Variants in RANBP2 observed in about 807,000 individuals in gnomAD.
RANBP2 encodes RAN binding protein 2.
Under a neutral mutation model 303.6 loss-of-function variants are expected in RANBP2, and 57 were observed. The observed-to-expected ratio is 0.19, with a 90% CI of 0.15 to 0.23. The LOEUF is 0.23. Among genes scored for constraint, RANBP2 ranks in the 10% least tolerant of loss-of-function variants. The pLI is 1.00. For synonymous variants in RANBP2, 1,167 were observed against 1,301.5 expected (o/e 0.90, Z 2.23); for missense variants, 3,138 against 3,780.8 (o/e 0.83, Z 4.46).
the RANBP2 span, among the ~76,000 whole-genome samples, chr2:109,242,179 C>T: frequency 6.6e-6 from 1 of 152,106 alleles, no homozygotes; most frequent in Non-Finnish European, 1.5e-5. Context: ...GTGTTGGTGT[C>T]CTAGCTTAGG....
the RANBP2 span, among the ~76,000 whole-genome samples, chr2:109,355,813 A>T: frequency 7.9e-5 from 12 of 152,242 alleles, no homozygotes; most frequent in East Asian, 2.3e-3. Flanking sequence ...TGTTTTGAGG[A>T]GGGGTATTTC....
chr2:108,754,020 C>T, intron 15 of RANBP2, 49 bp downstream of exon 15: 1 of 1,611,090 alleles, frequency 6.2e-7, no homozygotes, highest in Non-Finnish European at 8.5e-7. Flanking sequence ...ACCCACTGGT[C>T]AATGTTTTTG....
At chr2:109,547,964 C>T in the RANBP2 span, among the ~76,000 whole-genome samples, 3 of 152,128 alleles carry the variant, frequency 2.0e-5, no homozygotes, top group Non-Finnish European at 2.9e-5. Flanking sequence ...GTGGGAGCAA[C>T]GTCTCCCTGA....
the RANBP2 span, among the ~76,000 whole-genome samples, chr2:109,524,287 C>T: frequency 3.8e-3 from 582 of 152,160 alleles, 4 homozygotes; most frequent in African/African-American, 0.013. Flanking sequence ...ACTGTAAGGA[C>T]GGCTCAGTGG....
At chr2:109,336,586 A>C in the RANBP2 span, among the ~76,000 whole-genome samples, 1 of 152,256 alleles carries the variant, frequency 6.6e-6, no homozygotes, top group Non-Finnish European at 1.5e-5. Context: ...AGCCCTGGGC[A>C]GTGTTTCCAC....
chr2:109,256,535 G>C, the RANBP2 span, among the ~76,000 whole-genome samples: 6 of 152,174 alleles, frequency 3.9e-5, no homozygotes, highest in African/African-American at 9.7e-5. Flanking sequence ...TCCACTCCTG[G>C]AGCTTTGAGG....
chr2:109,770,004 C>T, the RANBP2 span, among the ~76,000 whole-genome samples: 1 of 115,404 alleles, frequency 8.7e-6, no homozygotes, highest in African/African-American at 3.6e-5. Flanking sequence ...TAAGAAAATA[C>T]AGTTTACTAT....
the RANBP2 span, among the ~76,000 whole-genome samples, chr2:109,548,396 G>C: frequency 6.6e-6 from 1 of 152,212 alleles, no homozygotes; most frequent in Non-Finnish European, 1.5e-5. Context: ...TCTAGAAAAA[G>C]ACGACATAGC....
the RANBP2 span, among the ~76,000 whole-genome samples, chr2:109,349,216 G>A: frequency 6.6e-6 from 1 of 152,170 alleles, no homozygotes. Flanking sequence ...CAGTGTTTTT[G>A]AGCAAAATTG....
chr2:109,167,385 T>C, the RANBP2 span, among the ~76,000 whole-genome samples: 1 of 152,184 alleles, frequency 6.6e-6, no homozygotes, highest in African/African-American at 2.4e-5. Context: ...CTGGACCATA[T>C]TTGATATAAA....
chr2:108,878,120 G>A, the RANBP2 span, among the ~76,000 whole-genome samples: 1 of 152,126 alleles, frequency 6.6e-6, no homozygotes, highest in African/African-American at 2.4e-5. Context: ...AAAGAAAACA[G>A]TTTATTAAAT....
At chr2:108,744,000 C>T (rs1196597451) in intron 7 of RANBP2, among the ~76,000 whole-genome samples, 4 of 152,168 alleles carry the variant, frequency 2.6e-5, no homozygotes, top group African/African-American at 7.2e-5. Context: ...AATTGGCTAA[C>T]TTTTATGGCA....
the RANBP2 span, among the ~76,000 whole-genome samples, chr2:109,684,156 G>A: frequency 3.7e-3 from 561 of 151,472 alleles, 5 homozygotes; most frequent in African/African-American, 0.013. Flanking sequence ...TGGCCAGGCT[G>A]GTTGCCAACT....
the RANBP2 span, chr2:108,897,071 T>C: frequency 9.3e-6 from 15 of 1,614,200 alleles, no homozygotes; most frequent in African/African-American, 8.0e-5. Flanking sequence ...AAGAGTTGCA[T>C]GCCGTCTGTC....
rs1677215377 is a variant in RANBP2, at chr2:108,767,742, A to G, written c.7203A>G (p.Val2401=). The part of the protein sequence containing the change: ...TLQNMKGTER[V]WLWTACDFAD... ...AAAATATGAAAGGGACAGAAAGAGTATGGTTGTGGACTGCATGTGATTTTG... is the reference window on the plus strand; with the variant it reads ...AAAATATGAAAGGGACAGAAAGAGTGTGGTTGTGGACTGCATGTGATTTTG... Residue 2401 remains valine (V), a synonymous_variant, in exon 20 of 29, where the codon GTA becomes GTG. Transcript: ENST00000283195. 1.2e-6 allele frequency: 2 copies of G among 1,612,066 alleles called. No individual in the cohort carries two copies. The highest frequency in any genetic ancestry group is 1.7e-6 in the Non-Finnish European group (2 of 1,179,876).
chr2:109,319,047 C>G, the RANBP2 span, among the ~76,000 whole-genome samples: 2,900 of 152,288 alleles, frequency 0.019, 99 homozygotes, highest in African/African-American at 0.066. Context: ...CTCCATCGAT[C>G]CTGGTGTTTG....
the RANBP2 span, among the ~76,000 whole-genome samples, chr2:109,576,104 AC>A: frequency 1.8e-3 from 268 of 152,146 alleles, 1 homozygote; most frequent in Admixed American, 1.8e-3. Flanking sequence ...CTACTAAAAA[AC>A]TTTAAAAATC....
At chr2:108,856,472 TTATCAAATA>T in the RANBP2 span, among the ~76,000 whole-genome samples, 1 of 152,208 alleles carries the variant, frequency 6.6e-6, no homozygotes, top group African/African-American at 2.4e-5. Context: ...CATGTAGTAG[TTATCAAATA>T]TGGAAAAATA....
rs1696257872 is a variant in RANBP2 at position 108,743,223 on chromosome 2, C to T, written c.975+2542C>T. On this transcript the variant is annotated intron_variant, in intron 7 of 28. Transcript: ENST00000283195. The stretch of plus-strand genomic sequence containing the variant: ...TAACGTTGAACTGGGCTCAAGCTTC[C>T]CAGAGTGCTGGGATTGTAGGTGTGA... Among the ~76,000 whole-genome samples, 5 of 152,258 alleles carry T rather than the reference C, an allele frequency of 3.3e-5. No individual in the cohort carries two copies. In the South Asian group the frequency reaches 1.0e-3, roughly 32 times the overall value.
Sources: gnomAD v4.1 joint callset for allele counts (sites outside exome capture counted in the v4.1 genomes callset) on GRCh38, gnomAD v4.1.1 for gene constraint, MANE v1.5 for transcripts, NCBI Gene and HGNC (gene_info 2026-07-23, HGNC 2026-07-21) for gene names.